TXNRD2: variants seen among roughly 807,000 people sequenced by gnomAD.
The protein encoded by TXNRD2 is thioredoxin reductase 2.
In TXNRD2, 67 loss-of-function variants were observed where a neutral mutation model predicts 70.8. The ratio of observed to expected loss-of-function variants is 0.95; its 90% CI spans 0.78 to 1.16. The LOEUF is 1.16. Among genes scored for constraint, TXNRD2 ranks in the 50% most tolerant of loss-of-function variants. The pLI is 0.00. For synonymous variants in TXNRD2, 301 were observed against 295.8 expected, an observed-to-expected ratio of 1.02 and a Z score of -0.18; for missense variants, 644 against 719.9, an observed-to-expected ratio of 0.89 and a Z score of 1.21.
At chr22:19,878,513 CATGGG>C in intron 14 of TXNRD2, 76 bp from the exon 15 acceptor site, 1 of 1,339,736 alleles carries the variant, frequency 7.5e-7, no homozygotes, top group Non-Finnish European at 1.1e-6. Flanking sequence ...CCACAGGCTG[CATGGG>C]CAAGGCAGGG....
intron 7 of TXNRD2, 147 bp downstream of exon 7, chr22:19,915,067 T>C (rs2146035163): frequency 2.5e-6 from 2 of 786,876 alleles, no homozygotes; most frequent in East Asian, 2.8e-5. Context: ...TTCAAGAGAA[T>C]TGGAAAGCAG....
intron 2 of TXNRD2, among the ~76,000 whole-genome samples, chr22:19,926,757 G>A (rs905214064): frequency 7.9e-5 from 12 of 152,274 alleles, no homozygotes; most frequent in African/African-American, 2.6e-4. Context: ...CCCCAGCCTG[G>A]GCAACAGAGT....
chr22:19,892,584 C>T (rs1454585311), intron 11 of TXNRD2, among the ~76,000 whole-genome samples: 2 of 152,264 alleles, frequency 1.3e-5, no homozygotes, highest in African/African-American at 2.4e-5. Context: ...GCCAGGCTGA[C>T]GCCCCGGCTT....
intron 11 of TXNRD2, among the ~76,000 whole-genome samples, chr22:19,892,010 C>A (rs955956343): frequency 6.6e-6 from 1 of 152,218 alleles, no homozygotes; most frequent in South Asian, 2.1e-4. Flanking sequence ...CGGCCCCACA[C>A]GGGAGCTCTG....
intron 12 of TXNRD2, among the ~76,000 whole-genome samples, chr22:19,882,435 G>C (rs1938820734): frequency 2.0e-5 from 3 of 152,120 alleles, no homozygotes; most frequent in African/African-American, 7.2e-5. Context: ...CTGACCTCAA[G>C]TAATCTGCCT....
At chr22:19,924,053 T>C (rs1217527977) in intron 2 of TXNRD2, among the ~76,000 whole-genome samples, 2 of 151,902 alleles carry the variant, frequency 1.3e-5, no homozygotes, top group African/African-American at 4.8e-5. Context: ...GGCACTGGTG[T>C]GCAGCGGTGC....
At position 19,878,200 on chromosome 22, in the gene TXNRD2, C is replaced by G; in HGVS notation, c.1348-13G>C. ...TCAGGCACACCATCTGAAAGCCGCACATCTCAGCCACCAGCCCAGGAGGGG... is the reference window on the plus strand; with the variant it reads ...TCAGGCACACCATCTGAAAGCCGCAGATCTCAGCCACCAGCCCAGGAGGGG... On this transcript the variant is annotated splice_polypyrimidine_tract_variant and intron_variant, in intron 15 of 17. Transcript: ENST00000400521. The G allele has an allele frequency of 1.9e-6, 3 of 1,612,518 alleles. No individual in the cohort carries two copies. Among genetic ancestry groups the G allele is most frequent in the Non-Finnish European group, 1.7e-6 (2 of 1,179,470 alleles).
At chr22:19,889,952 A>G (rs999266547) in intron 11 of TXNRD2, among the ~76,000 whole-genome samples, 1 of 151,926 alleles carries the variant, frequency 6.6e-6, no homozygotes, top group Non-Finnish European at 1.5e-5. Context: ...ATCATTAAGT[A>G]CTGAATTTGT....
At chr22:19,928,474 A>G (rs1941236071) in intron 2 of TXNRD2, among the ~76,000 whole-genome samples, 2 of 152,250 alleles carry the variant, frequency 1.3e-5, no homozygotes, top group Non-Finnish European at 2.9e-5. Flanking sequence ...GAAGAGGAAG[A>G]TGACATACAG....
intron 2 of TXNRD2, among the ~76,000 whole-genome samples, chr22:19,924,304 G>A (rs750303347): frequency 1.3e-5 from 2 of 152,014 alleles, no homozygotes; most frequent in African/African-American, 4.8e-5. Context: ...CAAACAGGGC[G>A]TTCATCTTCA....
chr22:19,876,985 C>T (rs1338090381), intron 17 of TXNRD2, 55 bp downstream of exon 17: 7 of 1,311,560 alleles, frequency 5.3e-6, no homozygotes, highest in Non-Finnish European at 7.1e-6. Flanking sequence ...GGCCAGGGCT[C>T]CTGCACCCCT....
At chr22:19,914,398 G>T (rs979765663) in intron 7 of TXNRD2, among the ~76,000 whole-genome samples, 3 of 152,204 alleles carry the variant, frequency 2.0e-5, no homozygotes, top group Non-Finnish European at 2.9e-5. Flanking sequence ...TCCATACAAT[G>T]GAATAGTATC....
At chr22:19,920,987 G>A (rs1374634778) in intron 2 of TXNRD2, among the ~76,000 whole-genome samples, 1 of 151,910 alleles carries the variant, frequency 6.6e-6, no homozygotes, top group Non-Finnish European at 1.5e-5. Flanking sequence ...GGTGCCTATA[G>A]TCCCAGTTAC....
In TXNRD2 at chr22:19,919,576, C is replaced by A. The variant is rs5748469; in HGVS notation, c.196G>T (p.Ala66Ser). ...KEAAQLGRKV[A>S]VVDYVEPSPQ... ...GAAGGTTCCACGTAGTCCACCACGG[C>A]CACCTTCCTTCCCAGCTGGGCGGCT... is the stretch of plus-strand genomic sequence containing the variant. The change falls in exon 3 of 18, where the codon GCC becomes TCC. Residue 66 changes from alanine to serine, a missense_variant. Around this residue, in one of 3 missense-constraint regions of TXNRD2, gnomAD observed 566 missense variants for 645.0 expected, o/e 0.88. Coordinates refer to ENST00000400521, the MANE Select transcript of TXNRD2 (RefSeq NM_006440.5). 597,938 of 1,560,344 alleles carry A rather than the reference C, an allele frequency of 0.38. 123,999 individuals are homozygous for A. The highest frequency in any genetic ancestry group is 0.85 in the East Asian group (35,063 of 41,046).
chr22:19,915,954 GT>G, intron 5 of TXNRD2, 111 bp from the exon 6 acceptor site: 1 of 976,288 alleles, frequency 1.0e-6, no homozygotes, highest in East Asian at 2.6e-5. Flanking sequence ...GCAGGGCCTG[GT>G]GCTGTGGCTC....
intron 8 of TXNRD2, among the ~76,000 whole-genome samples, chr22:19,904,966 C>A (rs1291418855): frequency 6.6e-6 from 1 of 152,212 alleles, no homozygotes; most frequent in Non-Finnish European, 1.5e-5. Flanking sequence ...GCAAATAAAT[C>A]TGGCAGAAAC....
intron 1 of TXNRD2, among the ~76,000 whole-genome samples, chr22:19,933,950 T>C (rs1197677893): frequency 6.6e-6 from 1 of 152,228 alleles, no homozygotes. Context: ...TCTGCTCCTC[T>C]TTGAACCCAC....
At chr22:19,885,366 T>C (rs567908725) in intron 11 of TXNRD2, among the ~76,000 whole-genome samples, 1 of 152,212 alleles carries the variant, frequency 6.6e-6, no homozygotes, top group Non-Finnish European at 1.5e-5. Flanking sequence ...ATCTGGAAGC[T>C]GAAGCTCCCG....
chr22:19,926,027 G>C (rs1356119343), intron 2 of TXNRD2, among the ~76,000 whole-genome samples: 2 of 151,850 alleles, frequency 1.3e-5, no homozygotes, highest in South Asian at 2.1e-4. Flanking sequence ...GCCAGGCGTG[G>C]TGGTGCATGC....
Sources: gnomAD v4.1 joint callset for allele counts (sites outside exome capture counted in the v4.1 genomes callset) on GRCh38, gnomAD v4.1.1 for gene constraint, gnomAD v4.1.1 regional missense constraint, MANE v1.5 for transcripts, NCBI Gene and HGNC (gene_info 2026-07-23, HGNC 2026-07-21) for gene names.